MLX: variants seen among roughly 807,000 people sequenced by gnomAD.
MLX encodes the protein MAX dimerization protein MLX.
Under a neutral mutation model 33.0 loss-of-function variants are expected in MLX, and 15 were observed. The observed-to-expected ratio is 0.45, with a 90% confidence interval of 0.30 to 0.70. The LOEUF is 0.70. Ranked by LOEUF, MLX falls within the 30% of genes least tolerant of loss-of-function variation. The pLI is 0.07. For synonymous variants in MLX, 115 were observed against 115.6 expected (o/e 0.99, Z 0.03); for missense variants, 285 against 306.3 (o/e 0.93, Z 0.52).
At position 42,571,560 on chromosome 17, in the gene MLX, T is replaced by G; in HGVS notation, c.692T>G (p.Ile231Ser). 1 of 1,614,156 alleles carries G rather than the reference T, an allele frequency of 6.2e-7. No homozygotes were observed. Among genetic ancestry groups the G allele is most frequent in the Non-Finnish European group, 8.5e-7 (1 of 1,180,022 alleles). The change falls in exon 8 of 8, where the codon ATT becomes AGT. Residue 231 changes from isoleucine (I) to serine (S), a missense_variant. Physicochemically the swap from Ile to Ser is moderately radical, Grantham distance 142. Transcript: ENST00000435881. ...TGCCCTCGCCAGACCCTGCGGGAGA[T>G]TGTGATTGGCGTCCTGCACCAATTG... Reference protein sequence around the residue: ...EHCKPQTLREIVIGVLHQLKN... With the variant: ...EHCKPQTLRESVIGVLHQLKN...
At chr17:42,567,826 C>A (rs2093014983) in intron 2 of MLX, 171 bp downstream of exon 2, 2 of 758,848 alleles carry the variant, frequency 2.6e-6, no homozygotes, top group Non-Finnish European at 4.3e-6. Flanking sequence ...GAGGGTGACA[C>A]CTAGTTCCCT....
intron 6 of MLX, 148 bp from the exon 7 acceptor site, chr17:42,569,834 G>A (rs566602704): frequency 5.1e-6 from 4 of 778,698 alleles, no homozygotes; most frequent in Admixed American, 2.4e-5. Context: ...CACCTTTCCT[G>A]ACCTGGAAGC....
In MLX at chr17:42,569,980, A is replaced by G; in HGVS notation, c.477-2A>G. On this transcript the variant is annotated splice_acceptor_variant, in intron 6 of 7. Coordinates refer to ENST00000435881, the MANE Select transcript of MLX (RefSeq NM_198204.2). LOFTEE classifies it high-confidence loss of function. ...CCTCAGCCCTGGCCTGCATGCTTTT[A>G]GGAACTATGAGCAGATTGTGAAGGC... The G allele has an allele frequency of 6.2e-7, 1 of 1,613,588 alleles. No homozygotes were observed. Among genetic ancestry groups the G allele is most frequent in the Middle Eastern group, 1.8e-4 (1 of 5,680 alleles).
intron 6 of MLX, 99 bp downstream of exon 6, chr17:42,569,705 TA>T: frequency 1.1e-6 from 1 of 939,636 alleles, no homozygotes. Flanking sequence ...GCTGTACAGA[TA>T]ATACTCTTAG....
Position 42,572,173 on chromosome 17 carries a change from C to G in MLX, c.*570C>G. 2 of 349,340 alleles carry G rather than the reference C, an allele frequency of 5.7e-6. No individual in the cohort carries two copies. Among genetic ancestry groups the G allele is most frequent in the South Asian group, 4.5e-5 (2 of 43,994 alleles). 21.6% of individuals were successfully genotyped at this position (349,340 alleles called of 1,614,324 possible). A position where few individuals can be genotyped will look rare whatever the true frequency, so the allele number is the denominator to read the frequency against. On this transcript the variant is annotated 3_prime_UTR_variant, in exon 8 of 8. Transcript: ENST00000435881. Reference sequence around the variant, plus strand: ...GTGAGGCCAAGGGCTTTCTGGCCATCTCAGGGAGGGGCCACCAGGTTCCTC... The same window carrying G: ...GTGAGGCCAAGGGCTTTCTGGCCATGTCAGGGAGGGGCCACCAGGTTCCTC...
intron 1 of MLX, 143 bp downstream of exon 1, chr17:42,567,309 C>G (rs535621745): frequency 4.3e-6 from 6 of 1,388,436 alleles, no homozygotes; most frequent in African/African-American, 1.5e-5. Flanking sequence ...GAAGACAGCT[C>G]TCACCCCGCG....
At position 42,572,085 on chromosome 17, in the gene MLX, C is replaced by T. The variant is rs970492763; in HGVS notation, c.*482C>T. On this transcript the variant is annotated 3_prime_UTR_variant, in exon 8 of 8. Coordinates refer to ENST00000435881, the MANE Select transcript of MLX (RefSeq NM_198204.2). ...AGAAAAAGAGTAAGAGGAAATATTC[C>T]CACAGCCATGAAGGGTGAAAGGGCA... is the stretch of plus-strand genomic sequence containing the variant. The T allele has an allele frequency of 3.8e-6, 1 of 261,780 alleles. No individual in the cohort carries two copies. The highest frequency in any genetic ancestry group is 2.3e-5 in the African/African-American group (1 of 43,976). The allele number at this position is 261,780 out of a possible 1,614,324, so 16.2% of individuals were successfully genotyped here. A position where few individuals can be genotyped will look rare whatever the true frequency, so the allele number is the denominator to read the frequency against.
At chr17:42,569,926 C>T in intron 6 of MLX, 56 bp from the exon 7 acceptor site, 1 of 1,527,948 alleles carries the variant, frequency 6.5e-7, no homozygotes, top group South Asian at 1.1e-5. Context: ...TCCCGTCATT[C>T]TTCTTGGGTG....
chr17:42,568,490 C>A lies in MLX; in HGVS notation c.100C>A (p.Arg34Ser). ...TCCAGGGCTTTTTGTAGAAAGCACC[C>A]GCAAGGGGAGTGTAGTGTCCAGAGC... ...LDPGLFVEST[R>S]KGSVVSRANS... is the part of the protein sequence containing the mutation. The change falls in exon 3 of 8, where the codon CGC becomes AGC. Residue 34 changes from arginine (R) to serine (S), a missense_variant. Coordinates refer to ENST00000435881, the MANE Select transcript of MLX (RefSeq NM_198204.2). 6.2e-7 allele frequency: 1 copy of A among 1,613,864 alleles called. No homozygotes were observed. The highest frequency in any genetic ancestry group is 8.5e-7 in the Non-Finnish European group (1 of 1,179,870).
rs761247919 is a variant in MLX at position 42,569,558 on chromosome 17, A to G, written c.428A>G (p.Glu143Gly). The G allele has an allele frequency of 1.7e-5, 28 of 1,613,946 alleles. No individual in the cohort carries two copies. Among genetic ancestry groups the G allele is most frequent in the African/African-American group, 2.7e-5 (2 of 74,876 alleles). Residue 143 changes from glutamate (E) to glycine (G), a missense_variant, in exon 6 of 8, where the codon GAG (glutamate) becomes GGG (glycine). Physicochemically the swap from Glu to Gly is moderately conservative, Grantham distance 98. Transcript: ENST00000435881. ...LHKEKKKQEE[E>G]VSTLRKDVTA... is the part of the protein sequence containing the mutation. ...AAGGAGAAGAAAAAGCAGGAGGAGG[A>G]GGTGTCCACGTTACGCAAGGATGTC... is the stretch of plus-strand genomic sequence containing the variant.
At position 42,572,620 on chromosome 17, in the gene MLX, G is replaced by A. The variant is rs117542454; in HGVS notation, c.*1017G>A. On this transcript the variant is annotated 3_prime_UTR_variant, in exon 8 of 8. Transcript: ENST00000435881. ...TCCAAATTCACTTCTGCCTTCCTCA[G>A]GTTTGATATCTGGCAGGTTTGACTA... 6,310 of 447,762 alleles carry A rather than the reference G, an allele frequency of 0.014. 72 individuals carry two copies. The highest frequency in any genetic ancestry group is 0.028 in the Middle Eastern group (39 of 1,418). 27.7% of individuals were successfully genotyped at this position (447,762 alleles called of 1,614,324 possible).
chr17:42,568,039 G>T (rs575733086), intron 2 of MLX: 109 of 281,444 alleles, frequency 3.9e-4, no homozygotes, highest in Non-Finnish European at 6.6e-4. Flanking sequence ...GTTGGCTTTG[G>T]GTTGAAGGGA....
Position 42,573,117 on chromosome 17 carries a change from T to C in MLX, c.*1514T>C, listed in dbSNP as rs1353679379. 6.2e-7 allele frequency: 1 copy of C among 1,614,124 alleles called. No individual in the cohort carries two copies. Among genetic ancestry groups the C allele is most frequent in the African/African-American group, 1.3e-5 (1 of 74,950 alleles). ...GAGAGCTCCACTTACAAAGAACTGC[T>C]TCTTGCTCTTGGGGTATCCTTCAAG... On this transcript the variant is annotated 3_prime_UTR_variant, in exon 8 of 8. Coordinates refer to ENST00000435881, the MANE Select transcript of MLX (RefSeq NM_198204.2).
In MLX at chr17:42,572,266, A is replaced by ACAGGCTATGATGCTG. The variant is rs1446460491; in HGVS notation, c.*666_*680dup. Reference sequence around the variant, plus strand: ...GGTAAGGGAAGCCCTCCCGGTTCCCACAGGCTATGATGCTGCATGGCAGAG... The same window carrying ACAGGCTATGATGCTG: ...GGTAAGGGAAGCCCTCCCGGTTCCCACAGGCTATGATGCTGCAGGCTATGATGCTGCATGGCAGAG... On this transcript the variant is annotated 3_prime_UTR_variant, in exon 8 of 8. Coordinates refer to ENST00000435881, the MANE Select transcript of MLX (RefSeq NM_198204.2). 1 of 412,658 alleles carries ACAGGCTATGATGCTG rather than the reference A, an allele frequency of 2.4e-6. No individual in the cohort carries two copies. The highest frequency in any genetic ancestry group is 2.1e-5 in the African/African-American group (1 of 48,774). The allele number at this position is 412,658 out of a possible 1,614,324, so 25.6% of individuals were successfully genotyped here. A position where few individuals can be genotyped will look rare whatever the true frequency, so the allele number is the denominator to read the frequency against.
Position 42,571,648 on chromosome 17 carries a change from ATC to A in MLX, c.*49_*50del, listed in dbSNP as rs1183536736. ...AGAACAGCCAACAAGAGGCCCTTGA[ATC>A]TCTACGTGGCCACTGAACTGCTGGG... On this transcript the variant is annotated 3_prime_UTR_variant, in exon 8 of 8. Transcript: ENST00000435881. 6.3e-7 allele frequency: 1 copy of A among 1,588,806 alleles called. No homozygotes were observed. The highest frequency in any genetic ancestry group is 8.6e-7 in the Non-Finnish European group (1 of 1,157,002).
Position 42,572,765 on chromosome 17 carries a change from G to A in MLX, c.*1162G>A, listed in dbSNP as rs2093042185. 1 of 694,068 alleles carries A rather than the reference G, an allele frequency of 1.4e-6. No homozygotes were observed. Among genetic ancestry groups the A allele is most frequent in the South Asian group, 1.5e-5 (1 of 66,910 alleles). 43.0% of individuals were successfully genotyped at this position (694,068 alleles called of 1,614,324 possible). ...CTCAAGCTACTGCAATTTAGACAATGAAATGGGCTGGGTCTACCCCCAGCC... is the reference window on the plus strand; with the variant it reads ...CTCAAGCTACTGCAATTTAGACAATAAAATGGGCTGGGTCTACCCCCAGCC... On this transcript the variant is annotated 3_prime_UTR_variant, in exon 8 of 8. Coordinates refer to ENST00000435881, the MANE Select transcript of MLX (RefSeq NM_198204.2).
intron 5 of MLX, 64 bp from the exon 6 acceptor site, chr17:42,569,439 AAGTC>A (rs1401229946): frequency 6.6e-7 from 1 of 1,523,874 alleles, no homozygotes; most frequent in Non-Finnish European, 9.1e-7. Flanking sequence ...AAGGGGAACA[AAGTC>A]AGCCTTATCT....
Position 42,568,901 on chromosome 17 carries a change from C to T in MLX, c.234C>T (p.Arg78=), listed in dbSNP as rs144144580. ...YKESYKDRRR[R]AHTQAEQKRR... Reference sequence around the variant, plus strand: ...AGTCCTACAAAGACCGGCGGCGGCGCGCACACACTCAGGCTGAGCAGAAGA... The same window carrying T: ...AGTCCTACAAAGACCGGCGGCGGCGTGCACACACTCAGGCTGAGCAGAAGA... Residue 78 remains arginine (R), a synonymous_variant, in exon 4 of 8, where the codon CGC becomes CGT. Transcript: ENST00000435881. 3.7e-5 allele frequency: 59 copies of T among 1,611,268 alleles called. No homozygotes were observed. Among genetic ancestry groups the T allele is most frequent in the Non-Finnish European group, 4.6e-5 (54 of 1,178,658 alleles).
In MLX at chr17:42,570,896, C is replaced by T. The variant is rs555529609; in HGVS notation, c.679-651C>T. On this transcript the variant is annotated intron_variant, in intron 7 of 7. Coordinates refer to ENST00000435881, the MANE Select transcript of MLX (RefSeq NM_198204.2). ...GGTCTCGATCTCCTGACCTTGTGAT[C>T]CACCCGCCTCGGCCTCCCAAAGTGC... is the stretch of plus-strand genomic sequence containing the variant. Among the ~76,000 whole-genome samples, 34 of 152,168 alleles carry T rather than the reference C, an allele frequency of 2.2e-4. No individual in the cohort carries two copies. In the South Asian group the frequency reaches 6.6e-3, roughly 30 times the overall value.
Sources: gnomAD v4.1 joint callset for allele counts (sites outside exome capture counted in the v4.1 genomes callset) on GRCh38, gnomAD v4.1.1 for gene constraint, MANE v1.5 for transcripts, NCBI Gene and HGNC (gene_info 2026-07-23, HGNC 2026-07-21) for gene names.